The following CADPS2 variants were observed in gnomAD, a reference collection of about 807,000 sequenced individuals.
The protein encoded by CADPS2 is calcium dependent secretion activator 2, also known as calcium-dependent secretion activator 2.
In CADPS2, 93 loss-of-function variants were observed where a neutral mutation model predicts 172.5. The ratio of observed to expected loss-of-function variants is 0.54; its 90% CI spans 0.46 to 0.64. The LOEUF is 0.64. Among genes scored for constraint, CADPS2 ranks in the 30% least tolerant of loss-of-function variants. CADPS2 has a pLI of 0.00. For missense variants in CADPS2, 1,420 were observed against 1,565.9 expected, an observed-to-expected ratio of 0.91 and a Z score of 1.57; for synonymous variants, 546 against 555.2, an observed-to-expected ratio of 0.98 and a Z score of 0.23.
At chr7:122,438,487 G>T (rs2050940179) in intron 16 of CADPS2, 23 bp from the exon 17 acceptor site, 9 of 1,611,486 alleles carry the variant, frequency 5.6e-6, no homozygotes, top group Non-Finnish European at 7.6e-6. Flanking sequence ...GAAGTGGAAG[G>T]GTGAGGGGCA....
At chr7:122,372,168 A>G (rs2041851964) in intron 25 of CADPS2, among the ~76,000 whole-genome samples, 1 of 152,228 alleles carries the variant, frequency 6.6e-6, no homozygotes, top group Non-Finnish European at 1.5e-5. Context: ...GACTAAGATC[A>G]GACAGCTAGT....
intron 1 of CADPS2, among the ~76,000 whole-genome samples, chr7:122,822,828 C>G (rs1284315459): frequency 6.6e-6 from 1 of 151,902 alleles, no homozygotes; most frequent in Non-Finnish European, 1.5e-5. Context: ...AGAGAACCCC[C>G]CTTTGACTGT....
chr7:122,696,943 CATA>C (rs1365428073), intron 2 of CADPS2, among the ~76,000 whole-genome samples: 2 of 151,944 alleles, frequency 1.3e-5, no homozygotes, highest in Non-Finnish European at 1.5e-5. Flanking sequence ...ATGACCATAT[CATA>C]ATAATAATAA....
intron 20 of CADPS2, 61 bp from the exon 21 acceptor site, chr7:122,393,643 ATGGGCC>A: frequency 6.3e-7 from 1 of 1,590,400 alleles, no homozygotes; most frequent in Non-Finnish European, 8.6e-7. Context: ...TTTGGAAAAT[ATGGGCC>A]AAAAAAACAC....
chr7:122,463,870 G>T (rs949265839), intron 14 of CADPS2, among the ~76,000 whole-genome samples: 1 of 152,142 alleles, frequency 6.6e-6, no homozygotes, highest in Non-Finnish European at 1.5e-5. Context: ...GAAAAGATAA[G>T]TTAAAGATAA....
chr7:122,836,686 A>G (rs1808549607), intron 1 of CADPS2, among the ~76,000 whole-genome samples: 1 of 152,220 alleles, frequency 6.6e-6, no homozygotes, highest in African/African-American at 2.4e-5. Context: ...AAAGAAGGCC[A>G]TTACATAATG....
rs369672194 is a variant in CADPS2 at position 122,709,625 on chromosome 7, C to T, written c.453+27330G>A. ...ATGCACACGTATGTTTATTGCGGCACTATTCACAATAGCAAAGACTTGGAA... is the reference window on the plus strand; with the variant it reads ...ATGCACACGTATGTTTATTGCGGCATTATTCACAATAGCAAAGACTTGGAA... On this transcript the variant is annotated intron_variant, in intron 2 of 29. Transcript: ENST00000449022. Among the ~76,000 whole-genome samples the T allele has an allele frequency of 2.2e-4, 33 of 151,942 alleles. No homozygotes were observed. In the East Asian group the frequency reaches 3.3e-3, roughly 15 times the overall value.
At chr7:122,847,643 T>C (rs541525498) in intron 1 of CADPS2, among the ~76,000 whole-genome samples, 1 of 152,282 alleles carries the variant, frequency 6.6e-6, no homozygotes, top group African/African-American at 2.4e-5. Context: ...ATGGGAAAGA[T>C]ACTAAGCTTA....
intron 25 of CADPS2, among the ~76,000 whole-genome samples, chr7:122,370,462 T>G (rs2041622224): frequency 6.6e-6 from 1 of 152,210 alleles, no homozygotes; most frequent in Admixed American, 6.5e-5. Flanking sequence ...ATGTTCTAGG[T>G]TAGAGACAAG....
At chr7:122,617,853 C>T (rs1012736849) in intron 5 of CADPS2, among the ~76,000 whole-genome samples, 2 of 152,136 alleles carry the variant, frequency 1.3e-5, no homozygotes, top group East Asian at 1.9e-4. Context: ...ACCATCCTGG[C>T]TAACACAGTG....
rs144540189 is a variant in CADPS2, at chr7:122,694,423, G to A, written c.454-30854C>T. 1.9e-3 allele frequency among the ~76,000 whole-genome samples: 285 copies of A among 152,324 alleles called. 1 individual carries two copies. Among genetic ancestry groups the A allele is most frequent in the African/African-American group, 6.2e-3 (256 of 41,580 alleles). On this transcript the variant is annotated intron_variant, in intron 2 of 29. Transcript: ENST00000449022. ...GTTGCTAAACTGGACATGTGTAGAA[G>A]AGTTTTGAAATCAGAGTCACCCTGG...
At chr7:122,737,556 C>G (rs989373350) in intron 1 of CADPS2, among the ~76,000 whole-genome samples, 3 of 152,094 alleles carry the variant, frequency 2.0e-5, no homozygotes, top group East Asian at 3.9e-4. Flanking sequence ...TTCATGTACT[C>G]TGTAATCCTG....
chr7:122,527,617 A>AGAGAGTGTGTGTGT, intron 8 of CADPS2, among the ~76,000 whole-genome samples: 17 of 83,884 alleles, frequency 2.0e-4, no homozygotes, highest in Non-Finnish European at 3.9e-4. Flanking sequence ...AGAGAGAGAG[A>AGAGAGTGTGTGTGT]GTGTGTGTGT....
At chr7:122,795,489 G>A (rs1000526832) in intron 1 of CADPS2, among the ~76,000 whole-genome samples, 3 of 151,654 alleles carry the variant, frequency 2.0e-5, no homozygotes, top group East Asian at 3.9e-4. Context: ...AACTGAATCC[G>A]GCATCACTTC....
chr7:122,546,225 C>A (rs1159684875), intron 8 of CADPS2, among the ~76,000 whole-genome samples: 1 of 152,098 alleles, frequency 6.6e-6, no homozygotes, highest in East Asian at 1.9e-4. Flanking sequence ...ATAATCTTCC[C>A]CAGTATTGTT....
chr7:122,517,547 T>G (rs2060471428), intron 8 of CADPS2, among the ~76,000 whole-genome samples: 1 of 152,066 alleles, frequency 6.6e-6, no homozygotes, highest in Non-Finnish European at 1.5e-5. Context: ...ATCTTACTTT[T>G]GTAATCAGAG....
At position 122,480,166 on chromosome 7, in the gene CADPS2, G is replaced by T. The variant is rs1023613299; in HGVS notation, c.1861+686C>A. 3 of 467,280 alleles carry T rather than the reference G, an allele frequency of 6.4e-6. No homozygotes were observed. In the East Asian group the frequency reaches 2.1e-4, roughly 33 times the overall value. The allele number at this position is 467,280 out of a possible 1,614,324, so 28.9% of individuals were successfully genotyped here. ...CCCTTCAGCTCACTCTCTTCCCTTA[G>T]AATTTTTATATATCCAGAGAGTCAA... On this transcript the variant is annotated intron_variant, in intron 12 of 29. Transcript: ENST00000449022.
At chr7:122,803,996 A>C (rs1375753909) in intron 1 of CADPS2, among the ~76,000 whole-genome samples, 1 of 150,736 alleles carries the variant, frequency 6.6e-6, no homozygotes, top group Non-Finnish European at 1.5e-5. Context: ...AAAAAAAAAA[A>C]AACACTGCAA....
chr7:122,801,590 C>T (rs1392972019), intron 1 of CADPS2, among the ~76,000 whole-genome samples: 1 of 151,914 alleles, frequency 6.6e-6, no homozygotes, highest in African/African-American at 2.4e-5. Flanking sequence ...GACAAGGATA[C>T]CTATTATCAT....
Sources: allele counts gnomAD v4.1 joint callset (sites outside exome capture counted in the v4.1 genomes callset), GRCh38; gene constraint gnomAD v4.1.1; transcripts MANE v1.5; gene names NCBI Gene and HGNC (gene_info 2026-07-23, HGNC 2026-07-21).